PPM1H: variants seen among roughly 807,000 people sequenced by gnomAD.
PPM1H encodes protein phosphatase 1H.
A neutral mutation model predicts 54.9 loss-of-function variants in PPM1H; 27 were observed. The observed-to-expected ratio is 0.49, with a 90% CI of 0.36 to 0.68. The LOEUF (loss-of-function observed/expected upper bound fraction) is 0.68, where lower values mean the gene tolerates loss of function less well. PPM1H is among the 30% of genes least tolerant of loss of function. The pLI is 0.00. For missense variants in PPM1H, 596 were observed against 667.8 expected, an observed-to-expected ratio of 0.89 and a Z score of 1.19; for synonymous variants, 305 against 270.8, an observed-to-expected ratio of 1.13 and a Z score of -1.24.
intron 4 of PPM1H, among the ~76,000 whole-genome samples, chr12:62,751,196 A>G (rs2076440521): frequency 6.6e-6 from 1 of 152,206 alleles, no homozygotes; most frequent in Non-Finnish European, 1.5e-5. Context: ...GAGCCCAGGA[A>G]GCAATTTCTT....
chr12:62,920,885 C>G (rs1871775396), intron 1 of PPM1H, among the ~76,000 whole-genome samples: 1 of 152,014 alleles, frequency 6.6e-6, no homozygotes, highest in Non-Finnish European at 1.5e-5. Flanking sequence ...AATATAGAAA[C>G]TCAATAATCT....
At chr12:62,845,445 A>G (rs1565807493) in intron 1 of PPM1H, among the ~76,000 whole-genome samples, 1 of 152,244 alleles carries the variant, frequency 6.6e-6, no homozygotes, top group Non-Finnish European at 1.5e-5. Flanking sequence ...TACATGGAAC[A>G]TAGTTTTAGA....
chr12:62,808,078 T>C (rs1291797465), intron 2 of PPM1H, among the ~76,000 whole-genome samples: 1 of 152,216 alleles, frequency 6.6e-6, no homozygotes, highest in Non-Finnish European at 1.5e-5. Context: ...GCAGTCCTCC[T>C]GCCTTAGCCT....
At position 62,658,643 on chromosome 12, in the gene PPM1H, G is replaced by T. The variant is rs141812254; in HGVS notation, c.1397+8535C>A. Among the ~76,000 whole-genome samples, 692 of 152,198 alleles carry T rather than the reference G, an allele frequency of 4.5e-3. 5 individuals are homozygous for T. Among genetic ancestry groups the T allele is most frequent in the African/African-American group, 0.015 (630 of 41,528 alleles). Reference sequence around the variant, plus strand: ...TTATAAGGAACCAGAGGACTGTGCAGCCCAACCTCCATTACCTGCAGCAAC... The same window carrying T: ...TTATAAGGAACCAGAGGACTGTGCATCCCAACCTCCATTACCTGCAGCAAC... On this transcript the variant is annotated intron_variant, in intron 9 of 9. Coordinates refer to ENST00000228705, the MANE Select transcript of PPM1H (RefSeq NM_020700.2).
In PPM1H at chr12:62,802,087, G is replaced by T. The variant is rs372654483; in HGVS notation, c.485C>A (p.Ala162Glu). 5 of 1,611,014 alleles carry T rather than the reference G, an allele frequency of 3.1e-6. No homozygotes were observed. The highest frequency in any genetic ancestry group is 4.2e-6 in the Non-Finnish European group (5 of 1,178,634). ...GHAGSGAAVV[A>E]SRLLQHHITE... ...GATGTGGTGCTGCAGCAGGCGTGAC[G>T]CCACCACCGCGGCCCCGGACCCCGC... Residue 162 changes from alanine (A) to glutamate (E), a missense_variant, in exon 3 of 10, where the codon GCG becomes GAG. Ala to Glu is a moderately radical substitution (Grantham distance 107). Coordinates refer to ENST00000228705, the MANE Select transcript of PPM1H (RefSeq NM_020700.2).
In PPM1H at chr12:62,867,726, T is replaced by C. The variant is rs547200578; in HGVS notation, c.246-35447A>G. Among the ~76,000 whole-genome samples the C allele has an allele frequency of 4.5e-3, 656 of 145,896 alleles. 13 individuals carry two copies. The highest frequency in any genetic ancestry group is 0.016 in the African/African-American group (628 of 38,276). On this transcript the variant is annotated intron_variant, in intron 1 of 9. Transcript: ENST00000228705. ...CCAAATAGCTGGGACTACAGGTGCCTGCCACCACACCTGGCTATTTTTTTT... is the reference window on the plus strand; with the variant it reads ...CCAAATAGCTGGGACTACAGGTGCCCGCCACCACACCTGGCTATTTTTTTT...
intron 1 of PPM1H, among the ~76,000 whole-genome samples, chr12:62,898,935 T>C (rs1871077795): frequency 6.6e-6 from 1 of 152,260 alleles, no homozygotes; most frequent in Non-Finnish European, 1.5e-5. Flanking sequence ...GTTCAGACAC[T>C]GGGAAGGCCA....
chr12:62,744,074 A>G (rs2076396823), intron 4 of PPM1H, among the ~76,000 whole-genome samples: 2 of 151,398 alleles, frequency 1.3e-5, no homozygotes, highest in South Asian at 4.2e-4. Flanking sequence ...GACGTTATTC[A>G]TTGGGGCAAA....
In PPM1H at chr12:62,878,189, C is replaced by T. The variant is rs188570561; in HGVS notation, c.246-45910G>A. Among the ~76,000 whole-genome samples, 6 of 152,258 alleles carry T rather than the reference C, an allele frequency of 3.9e-5. No individual in the cohort carries two copies. In the South Asian group the frequency reaches 8.3e-4, roughly 21 times the overall value. ...CTGGGATTACAGGCGTGAGCCACCG[C>T]GCCCAGCCTGAAGCCCTCTATTTTA... On this transcript the variant is annotated intron_variant, in intron 1 of 9. Coordinates refer to ENST00000228705, the MANE Select transcript of PPM1H (RefSeq NM_020700.2).
intron 7 of PPM1H, 74 bp from the exon 8 acceptor site, chr12:62,689,880 G>T (rs1305371448): frequency 2.8e-6 from 3 of 1,054,276 alleles, no homozygotes; most frequent in Non-Finnish European, 4.2e-6. Context: ...AGCTGCCTGG[G>T]CTAGGAACAA....
At chr12:62,709,775 T>C (rs1300514818) in intron 6 of PPM1H, among the ~76,000 whole-genome samples, 1 of 152,190 alleles carries the variant, frequency 6.6e-6, no homozygotes, top group Non-Finnish European at 1.5e-5. Context: ...TATTGTTCAA[T>C]AAATTTCCAG....
intron 4 of PPM1H, among the ~76,000 whole-genome samples, chr12:62,741,650 T>A (rs2076381387): frequency 6.6e-6 from 1 of 152,228 alleles, no homozygotes. Flanking sequence ...CCGTGGTGTC[T>A]ATGCCTAGCT....
At chr12:62,695,092 G>A (rs979303291) in intron 6 of PPM1H, among the ~76,000 whole-genome samples, 1 of 152,188 alleles carries the variant, frequency 6.6e-6, no homozygotes, top group Admixed American at 6.5e-5. Context: ...ACATATCTAG[G>A]CTGCTTGGGA....
intron 6 of PPM1H, among the ~76,000 whole-genome samples, chr12:62,716,666 A>G (rs1186597098): frequency 6.6e-6 from 1 of 152,188 alleles, no homozygotes; most frequent in Non-Finnish European, 1.5e-5. Flanking sequence ...AGCTGAGACC[A>G]TAGGCATATG....
chr12:62,847,627 T>A (rs1158703281), intron 1 of PPM1H, among the ~76,000 whole-genome samples: 1 of 152,194 alleles, frequency 6.6e-6, no homozygotes, highest in Non-Finnish European at 1.5e-5. Flanking sequence ...TAGCAAATTT[T>A]TGCCAGTTAT....
intron 5 of PPM1H, among the ~76,000 whole-genome samples, chr12:62,726,080 C>T (rs899806503): frequency 6.6e-6 from 1 of 152,130 alleles, no homozygotes; most frequent in Non-Finnish European, 1.5e-5. Flanking sequence ...AAATCACCAC[C>T]CACCTCCTTG....
chr12:62,859,226 T>C (rs1869508477), intron 1 of PPM1H, among the ~76,000 whole-genome samples: 1 of 152,282 alleles, frequency 6.6e-6, no homozygotes, highest in East Asian at 1.9e-4. Flanking sequence ...TCAATTCTAG[T>C]TCCTCATTAA....
At position 62,661,123 on chromosome 12, in the gene PPM1H, C is replaced by T. The variant is rs115316642; in HGVS notation, c.1397+6055G>A. 9.1e-3 allele frequency among the ~76,000 whole-genome samples: 1,380 copies of T among 152,204 alleles called. 21 individuals carry two copies. Among genetic ancestry groups the T allele is most frequent in the African/African-American group, 0.03 (1,262 of 41,520 alleles). On this transcript the variant is annotated intron_variant, in intron 9 of 9. Transcript: ENST00000228705. ...AGTCAGCCACACTGACTGTTGGGTC[C>T]CAGAATGTGCCATGTTTTTTCTCCC... is the stretch of plus-strand genomic sequence containing the variant.
At chr12:62,722,560 G>A (rs1379857235) in intron 5 of PPM1H, among the ~76,000 whole-genome samples, 2 of 152,128 alleles carry the variant, frequency 1.3e-5, no homozygotes, top group African/African-American at 4.8e-5. Flanking sequence ...TAGTAAAGGG[G>A]CCATAAGAGG....
Sources: allele counts gnomAD v4.1 joint callset (sites outside exome capture counted in the v4.1 genomes callset), GRCh38; gene constraint gnomAD v4.1.1; transcripts MANE v1.5; gene names NCBI Gene and HGNC (gene_info 2026-07-23, HGNC 2026-07-21).